Variants in SLCO1B3 observed in about 807,000 individuals in gnomAD.
The protein encoded by SLCO1B3 is solute carrier organic anion transporter family member 1B3.
SLCO1B3 carries 72 observed loss-of-function variants against 71.8 expected under a neutral mutation model. The ratio of observed to expected loss-of-function variants is 1.00; its 90% CI spans 0.83 to 1.22. SLCO1B3 has a LOEUF of 1.22. Ranked by LOEUF, SLCO1B3 falls within the 50% of genes most tolerant of loss-of-function variation. SLCO1B3 has a pLI of 0.00. For synonymous variants in SLCO1B3, 298 were observed against 278.4 expected, an observed-to-expected ratio of 1.07 and a Z score of -0.70; for missense variants, 911 against 819.7, an observed-to-expected ratio of 1.11 and a Z score of -1.36.
chr12:20,916,168 G>T lies in SLCO1B3; in HGVS notation c.2030G>T (p.Gly677Val), dbSNP rs768942214. ...GCAAACTTAGAATTCTTAAATAATG[G>T]TGAACATTTTGTACCTTCTGCTGGA... ...DEANLEFLNN[G>V]EHFVPSAGTD... The change falls in exon 16 of 16, where the codon GGT becomes GTT. Residue 677 changes from glycine to valine, a missense_variant. Gly to Val is a moderately radical substitution (Grantham distance 109). Transcript: ENST00000381545. The T allele has an allele frequency of 7.4e-6, 12 of 1,612,324 alleles. No homozygotes were observed. The East Asian group carries it at 2.5e-4, about 33-fold the overall frequency.
Position 20,855,100 on chromosome 12 carries a change from A to C in SLCO1B3, c.157A>C (p.Thr53Pro). Reference sequence around the variant, plus strand: ...TGGAATCATTATGAAAATTTCCATCACTCAAATAGAAAGGAGATTTGACAT... The same window carrying C: ...TGGAATCATTATGAAAATTTCCATCCCTCAAATAGAAAGGAGATTTGACAT... ...LGGIIMKISI[T>P]QIERRFDISS... Residue 53 changes from threonine to proline, a missense_variant, in exon 4 of 16, where the codon ACT becomes CCT. Coordinates refer to ENST00000381545, the MANE Select transcript of SLCO1B3 (RefSeq NM_019844.4). The C allele has an allele frequency of 6.2e-7, 1 of 1,611,698 alleles. No individual in the cohort carries two copies.
intron 3 of SLCO1B3, among the ~76,000 whole-genome samples, chr12:20,837,475 A>T (rs1295661082): frequency 6.6e-6 from 1 of 152,144 alleles, no homozygotes; most frequent in South Asian, 2.1e-4. Context: ...TCCTCTAAGC[A>T]TTGCTTTTGC....
intron 4 of SLCO1B3, among the ~76,000 whole-genome samples, chr12:20,855,671 T>G (rs1194142292): frequency 2.1e-5 from 3 of 141,960 alleles, no homozygotes; most frequent in Non-Finnish European, 4.7e-5. Flanking sequence ...TTTTTTTTTT[T>G]GAACATTGAA....
intron 4 of SLCO1B3, among the ~76,000 whole-genome samples, chr12:20,856,471 A>G (rs528196926): frequency 6.6e-6 from 1 of 152,224 alleles, no homozygotes; most frequent in African/African-American, 2.4e-5. Context: ...TAGTATTTAC[A>G]TTGTATTAGA....
chr12:20,876,770 G>A lies in SLCO1B3; in HGVS notation c.971-1002G>A, dbSNP rs186413745. The stretch of plus-strand genomic sequence containing the variant: ...GTTTAACATGCATACTAAAAACAGC[G>A]TATCAAGGATTTTTTATTTTGTCTA... On this transcript the variant is annotated intron_variant, in intron 9 of 15. Coordinates refer to ENST00000381545, the MANE Select transcript of SLCO1B3 (RefSeq NM_019844.4). Among the ~76,000 whole-genome samples, 21 of 152,156 alleles carry A rather than the reference G, an allele frequency of 1.4e-4. No homozygotes were observed. The South Asian group carries it at 2.1e-3, about 15-fold the overall frequency.
At chr12:20,883,723 A>T in intron 13 of SLCO1B3, 121 bp downstream of exon 13, 1 of 635,908 alleles carries the variant, frequency 1.6e-6, no homozygotes, top group South Asian at 2.3e-5. Flanking sequence ...TTCTTTGAGA[A>T]TGCATTTTCT....
At chr12:20,894,674 A>C (rs937436653) in intron 13 of SLCO1B3, among the ~76,000 whole-genome samples, 3 of 152,210 alleles carry the variant, frequency 2.0e-5, no homozygotes, top group African/African-American at 7.2e-5. Context: ...GTTGAAGTGC[A>C]ATCTCTCCCT....
chr12:20,853,942 A>ATTTTTTTTTTTTTTT (rs1555155269), intron 3 of SLCO1B3, among the ~76,000 whole-genome samples: 3 of 141,266 alleles, frequency 2.1e-5, no homozygotes, highest in African/African-American at 8.0e-5. Flanking sequence ...TATTTTATTA[A>ATTTTTTTTTTTTTTT]TTCTTGTTAT....
At chr12:20,868,791 G>A (rs923524557) in intron 8 of SLCO1B3, among the ~76,000 whole-genome samples, 5 of 152,260 alleles carry the variant, frequency 3.3e-5, no homozygotes, top group African/African-American at 1.2e-4. Flanking sequence ...AGGGTAAAGA[G>A]TGTGAGTCAT....
At chr12:20,866,292 A>G (rs2121265404) in intron 8 of SLCO1B3, among the ~76,000 whole-genome samples, 1 of 152,276 alleles carries the variant, frequency 6.6e-6, no homozygotes, top group East Asian at 1.9e-4. Flanking sequence ...GTAAAACAAA[A>G]ACAAAAACCC....
chr12:20,811,194 G>A (rs919041616), intron 1 of SLCO1B3, among the ~76,000 whole-genome samples: 1 of 152,108 alleles, frequency 6.6e-6, no homozygotes, highest in African/African-American at 2.4e-5. Flanking sequence ...GGCGGGTGGA[G>A]GGGTGGAAAA....
Position 20,877,989 on chromosome 12 carries a change from T to G in SLCO1B3, c.1135+53T>G. 5 of 1,177,474 alleles carry G rather than the reference T, an allele frequency of 4.2e-6. No individual in the cohort carries two copies. In the South Asian group the frequency reaches 7.5e-5, roughly 18 times the overall value. The allele number at this position is 1,177,474 out of a possible 1,614,324, so 72.9% of individuals were successfully genotyped here. A position where few individuals can be genotyped will look rare whatever the true frequency, so the allele number is the denominator to read the frequency against. ...TGATAAATGAAACACTGCTGAGTAC[T>G]TGTGTTCCAAGTCACATTTTATTAT... On this transcript the variant is annotated intron_variant, in intron 10 of 15. Coordinates refer to ENST00000381545, the MANE Select transcript of SLCO1B3 (RefSeq NM_019844.4).
intron 3 of SLCO1B3, among the ~76,000 whole-genome samples, chr12:20,843,900 C>G (rs1462368590): frequency 5.5e-5 from 7 of 128,112 alleles, no homozygotes. Context: ...CTTATCTAAA[C>G]TTTCTCCATA....
At chr12:20,910,934 C>A (rs1437436273) in intron 15 of SLCO1B3, among the ~76,000 whole-genome samples, 1 of 151,744 alleles carries the variant, frequency 6.6e-6, no homozygotes, top group Non-Finnish European at 1.5e-5. Context: ...GTATATATAC[C>A]ATTCCCTTTT....
At chr12:20,905,631 T>A (rs981118591) in intron 15 of SLCO1B3, among the ~76,000 whole-genome samples, 3 of 152,142 alleles carry the variant, frequency 2.0e-5, no homozygotes, top group Admixed American at 6.5e-5. Context: ...GCCACCAGTC[T>A]CTAAGCTAAA....
intron 3 of SLCO1B3, among the ~76,000 whole-genome samples, chr12:20,842,275 T>C (rs547717294): frequency 6.6e-6 from 1 of 152,182 alleles, no homozygotes; most frequent in Non-Finnish European, 1.5e-5. Flanking sequence ...TTTATGTTCT[T>C]GCTAATATTT....
rs1460775483 is a variant in SLCO1B3, at chr12:20,838,198, G to A, written c.85-16830G>A. On this transcript the variant is annotated intron_variant, in intron 3 of 15. Transcript: ENST00000381545. ...CACAACATGCAGGTTTGTTACATTT[G>A]TATACCTTTTTTTAACCTCTGGTAA... 2.6e-5 allele frequency among the ~76,000 whole-genome samples: 4 copies of A among 151,288 alleles called. No individual in the cohort carries two copies. In the East Asian group the frequency reaches 7.7e-4, roughly 29 times the overall value.
chr12:20,863,600 G>C (rs540201924), intron 8 of SLCO1B3, among the ~76,000 whole-genome samples: 2 of 152,108 alleles, frequency 1.3e-5, no homozygotes, highest in Middle Eastern at 6.8e-3. Context: ...CTGGGGTTTA[G>C]ATTTCCTCTT....
At chr12:20,852,568 C>G (rs532062988) in intron 3 of SLCO1B3, among the ~76,000 whole-genome samples, 1 of 152,204 alleles carries the variant, frequency 6.6e-6, no homozygotes, top group East Asian at 1.9e-4. Context: ...ACTAAATCTT[C>G]CAATCTATGA....
Sources: gnomAD v4.1 joint callset for allele counts (sites outside exome capture counted in the v4.1 genomes callset) on GRCh38, gnomAD v4.1.1 for gene constraint, MANE v1.5 for transcripts, NCBI Gene and HGNC (gene_info 2026-07-23, HGNC 2026-07-21) for gene names.